DNAJC6: variants seen among roughly 807,000 people sequenced by gnomAD.
DNAJC6 encodes auxilin.
DNAJC6 carries 34 observed loss-of-function variants against 110.0 expected under a neutral mutation model. That is an observed-to-expected ratio of 0.31 (90% CI 0.24 to 0.41). DNAJC6 has a LOEUF of 0.41. DNAJC6 is among the 10% of genes least tolerant of loss of function. The pLI is 1.00. For synonymous variants in DNAJC6, 406 were observed against 437.2 expected (o/e 0.93, Z 0.89); for missense variants, 1,031 against 1,207.8 (o/e 0.85, Z 2.17).
chr1:65,373,052 A>T (rs1312876470), intron 4 of DNAJC6, among the ~76,000 whole-genome samples: 1 of 152,200 alleles, frequency 6.6e-6, no homozygotes. Context: ...ATGAGTAAAA[A>T]ACATGCAATA....
chr1:65,317,715 C>T (rs1570270605), intron 1 of DNAJC6, among the ~76,000 whole-genome samples: 1 of 152,182 alleles, frequency 6.6e-6, no homozygotes, highest in East Asian at 1.9e-4. Flanking sequence ...AAGCCACTTC[C>T]TAATTTTAGA....
chr1:65,377,154 T>C (rs1005666369), intron 4 of DNAJC6, among the ~76,000 whole-genome samples: 2 of 152,228 alleles, frequency 1.3e-5, no homozygotes, highest in African/African-American at 2.4e-5. Context: ...AGAATATAAA[T>C]TCTGCAGCAG....
chr1:65,311,907 A>G (rs1195008249), intron 1 of DNAJC6, among the ~76,000 whole-genome samples: 2 of 152,178 alleles, frequency 1.3e-5, no homozygotes, highest in Non-Finnish European at 2.9e-5. Context: ...CTGTGAGGGA[A>G]CACAGTAGTG....
At position 65,267,141 on chromosome 1, in the gene DNAJC6, C is replaced by G. The variant is rs1653361728; in HGVS notation, c.-131+2209C>G. Among the ~76,000 whole-genome samples the G allele has an allele frequency of 2.0e-5, 3 of 152,260 alleles. No individual in the cohort carries two copies. The South Asian group carries it at 6.2e-4, about 32-fold the overall frequency. On this transcript the variant is annotated intron_variant, in intron 1 of 19. Transcript: ENST00000263441. ...CGAACTCCTGACCTCAGGTGATCCACCCGCCTCGGCCTCCCAAAGTGCTGG... is the reference window on the plus strand; with the variant it reads ...CGAACTCCTGACCTCAGGTGATCCAGCCGCCTCGGCCTCCCAAAGTGCTGG...
At chr1:65,300,315 C>G (rs1570241377) in intron 1 of DNAJC6, among the ~76,000 whole-genome samples, 1 of 152,102 alleles carries the variant, frequency 6.6e-6, no homozygotes, top group Non-Finnish European at 1.5e-5. Context: ...GTCCAAGTAC[C>G]TGCTGGAGCT....
chr1:65,351,063 A>G (rs17127541), intron 1 of DNAJC6, among the ~76,000 whole-genome samples: 9,202 of 152,048 alleles, frequency 0.061, 620 homozygotes, highest in East Asian at 0.3. Flanking sequence ...TTTCTTTTAT[A>G]TTGTCCCACA....
intron 1 of DNAJC6, among the ~76,000 whole-genome samples, chr1:65,325,058 C>G (rs1007507879): frequency 6.6e-6 from 1 of 152,150 alleles, no homozygotes; most frequent in Non-Finnish European, 1.5e-5. Context: ...GGAATTTCTA[C>G]CAGGCTGCAG....
chr1:65,371,543 G>C (rs1017436938), intron 4 of DNAJC6, among the ~76,000 whole-genome samples: 1 of 152,140 alleles, frequency 6.6e-6, no homozygotes. Flanking sequence ...TCCAAAAATG[G>C]TGTGTGATTC....
At chr1:65,275,194 G>A (rs1330390075) in intron 1 of DNAJC6, among the ~76,000 whole-genome samples, 4 of 151,736 alleles carry the variant, frequency 2.6e-5, no homozygotes, top group African/African-American at 9.7e-5. Flanking sequence ...CGGATTTTTT[G>A]TGTATTCCCT....
At chr1:65,264,921 C>T in exon 1 of DNAJC6, 1 of 1,613,128 alleles carries the variant, frequency 6.2e-7, no homozygotes, top group Non-Finnish European at 8.5e-7. Context: ...ATGAAAGATT[C>T]TGAAAATAAA....
At position 65,388,414 on chromosome 1, in the gene DNAJC6, A is replaced by G. The variant is rs1645892710; in HGVS notation, c.1192A>G (p.Lys398Glu). Residue 398 changes from lysine to glutamate, a missense_variant and splice_region_variant, in exon 9 of 19, where the codon AAG (lysine) becomes GAG (glutamate). Transcript: ENST00000371069. ...GGACACAACAGTTTTAAAGTTCACC[A>G]AGTAAGTACTGGTTGGGCCAAAAGT... ...PLDTTVLKFTKPELDACDVPE... is the reference protein window; with the variant it reads ...PLDTTVLKFTEPELDACDVPE... 3 of 1,613,864 alleles carry G rather than the reference A, an allele frequency of 1.9e-6. No homozygotes were observed. Among genetic ancestry groups the G allele is most frequent in the Non-Finnish European group, 2.5e-6 (3 of 1,179,812 alleles).
chr1:65,314,879 A>G (rs917681849), intron 1 of DNAJC6, among the ~76,000 whole-genome samples: 3 of 152,254 alleles, frequency 2.0e-5, no homozygotes. Flanking sequence ...ACAGAATAAG[A>G]TACGTCAATT....
rs1646158943 is a variant in DNAJC6, at chr1:65,415,047, T to C, written c.*2022T>C. 1 of 152,230 alleles carries C rather than the reference T, an allele frequency of 6.6e-6. No individual in the cohort carries two copies. The highest frequency in any genetic ancestry group is 2.4e-5 in the African/African-American group (1 of 41,466). 9.4% of individuals were successfully genotyped at this position (152,230 alleles called of 1,614,324 possible). A position where few individuals can be genotyped will look rare whatever the true frequency, so the allele number is the denominator to read the frequency against. On this transcript the variant is annotated 3_prime_UTR_variant, in exon 19 of 19. Transcript: ENST00000371069. ...TGGAGATTTTCCCCCACATCTCTTT[T>C]CCGGATACATTATAATTCTGGACCC... is the stretch of plus-strand genomic sequence containing the variant.
chr1:65,279,881 T>TA (rs1246941140), intron 1 of DNAJC6: 9 of 152,144 alleles, frequency 5.9e-5, no homozygotes, highest in African/African-American at 2.2e-4. Context: ...CATATGTCCT[T>TA]AATACATAGA....
At chr1:65,317,523 A>G (rs985544332) in intron 1 of DNAJC6, among the ~76,000 whole-genome samples, 3 of 152,226 alleles carry the variant, frequency 2.0e-5, no homozygotes, top group Admixed American at 2.0e-4. Context: ...AGAGATAGAA[A>G]CTTTAAATTA....
In DNAJC6 at chr1:65,309,646, A is replaced by T; in HGVS notation, c.-100A>T. On this transcript the variant is annotated 5_prime_UTR_variant, in exon 1 of 19. It removes the in-frame stop codon of an upstream open reading frame in the 5' UTR. Transcript: ENST00000371069. The stretch of plus-strand genomic sequence containing the variant: ...CCTCTTTGCGTCATGTCGGGCACTT[A>T]ATTTTTTTTTTTTTTTAATTCCTTC... The T allele has an allele frequency of 7.2e-7, 1 of 1,397,312 alleles. No homozygotes were observed. Among genetic ancestry groups the T allele is most frequent in the Non-Finnish European group, 9.3e-7 (1 of 1,075,830 alleles). The allele number at this position is 1,397,312 out of a possible 1,614,324, so 86.6% of individuals were successfully genotyped here.
intron 4 of DNAJC6, among the ~76,000 whole-genome samples, chr1:65,375,833 A>T (rs1645760924): frequency 6.6e-6 from 1 of 152,198 alleles, no homozygotes; most frequent in Admixed American, 6.5e-5. Context: ...CTTCAGTGAC[A>T]CTGGCTTGTA....
Position 65,402,151 on chromosome 1 carries a change from C to T in DNAJC6, c.2227+271C>T, listed in dbSNP as rs74084205. ...AATAAAGTTAGAGCTTTCAGGGGCT[C>T]ATGGCAACAGAGTTTGGCTGCGCAA... On this transcript the variant is annotated intron_variant, in intron 15 of 18. Transcript: ENST00000371069. Among the ~76,000 whole-genome samples, 1,197 of 152,324 alleles carry T rather than the reference C, an allele frequency of 7.9e-3. 17 individuals carry two copies. The highest frequency in any genetic ancestry group is 0.028 in the African/African-American group (1,154 of 41,568).
intron 9 of DNAJC6, among the ~76,000 whole-genome samples, chr1:65,388,988 C>T (rs1353659617): frequency 3.9e-5 from 6 of 152,122 alleles, no homozygotes; most frequent in Admixed American, 2.0e-4. Flanking sequence ...TGGATTTTGC[C>T]GTGCCAGTCA....
Sources: gnomAD v4.1 joint callset for allele counts (sites outside exome capture counted in the v4.1 genomes callset) on GRCh38, gnomAD v4.1.1 for gene constraint, MANE v1.5 for transcripts, NCBI Gene and HGNC (gene_info 2026-07-23, HGNC 2026-07-21) for gene names.